Variants in ANK2 observed in about 807,000 individuals in gnomAD.
ANK2 encodes ankyrin-2.
Under a neutral mutation model 360.5 loss-of-function variants are expected in ANK2, and 83 were observed. The observed-to-expected ratio is 0.23, with a 90% CI of 0.19 to 0.28. ANK2 has a LOEUF of 0.28. Among genes scored for constraint, ANK2 ranks in the 10% least tolerant of loss-of-function variants. ANK2 has a pLI of 1.00. For missense variants in ANK2, 4,201 were observed against 4,795.7 expected (o/e 0.88, Z 3.66); for synonymous variants, 1,740 against 1,759.5 (o/e 0.99, Z 0.28).
At chr4:113,209,265 C>G (rs948723810) in intron 4 of ANK2, among the ~76,000 whole-genome samples, 5 of 151,870 alleles carry the variant, frequency 3.3e-5, no homozygotes, top group Non-Finnish European at 7.4e-5. Context: ...AGTAGTAGCC[C>G]TTGGAGAAAA....
At chr4:113,298,633 T>C (rs1242965345) in intron 22 of ANK2, among the ~76,000 whole-genome samples, 2 of 152,258 alleles carry the variant, frequency 1.3e-5, no homozygotes, top group Non-Finnish European at 2.9e-5. Context: ...CCATCTATTA[T>C]ATACCATTTC....
chr4:112,781,157 G>A, the ANK2 span, among the ~76,000 whole-genome samples: 10 of 152,150 alleles, frequency 6.6e-5, no homozygotes, highest in Middle Eastern at 6.8e-3. Context: ...ACATCACCAC[G>A]CCTGGATAAT....
At chr4:113,116,662 A>C (rs1444808376) in intron 1 of ANK2, among the ~76,000 whole-genome samples, 1 of 152,248 alleles carries the variant, frequency 6.6e-6, no homozygotes, top group African/African-American at 2.4e-5. Context: ...GTGCTACAGC[A>C]GAGCAGCCGT....
chr4:113,107,240 G>A (rs186745332), intron 1 of ANK2, among the ~76,000 whole-genome samples: 29 of 151,962 alleles, frequency 1.9e-4, no homozygotes, highest in African/African-American at 5.3e-4. Flanking sequence ...TTCTTGAGAC[G>A]AAGTTTTGCT....
chr4:113,217,776 G>A (rs2099103053), intron 4 of ANK2, among the ~76,000 whole-genome samples: 2 of 152,158 alleles, frequency 1.3e-5, no homozygotes, highest in Non-Finnish European at 2.9e-5. Flanking sequence ...ATGGCCTGGG[G>A]GATGGGGACA....
At position 113,353,926 on chromosome 4, in the gene ANK2, G is replaced by C. The variant is rs777729937; in HGVS notation, c.5308G>C (p.Val1770Leu). The C allele has an allele frequency of 6.2e-7, 1 of 1,614,108 alleles. No homozygotes were observed. Among genetic ancestry groups the C allele is most frequent in the Non-Finnish European group, 8.5e-7 (1 of 1,179,974 alleles). ...ETPIGSIKDK[V>L]KALQKRVEDE... ...TCCCATTGGTTCCATAAAGGACAAA[G>C]TAAAGGCCCTTCAGAAGCGAGTGGA... The change falls in exon 38 of 46, where the codon GTA (valine) becomes CTA (leucine). Residue 1770 changes from valine (V) to leucine (L), a missense_variant. By Grantham distance (32) the Val-to-Leu change is conservative. Coordinates refer to ENST00000357077, the MANE Select transcript of ANK2 (RefSeq NM_001148.6).
the ANK2 span, among the ~76,000 whole-genome samples, chr4:112,812,867 C>T: frequency 6.6e-6 from 1 of 152,132 alleles, no homozygotes; most frequent in South Asian, 2.1e-4. Context: ...CTTATACATT[C>T]TCTGCCTCAG....
chr4:112,985,887 A>C (rs571730104), intron 2 of ANK2, among the ~76,000 whole-genome samples: 1 of 151,958 alleles, frequency 6.6e-6, no homozygotes, highest in Non-Finnish European at 1.5e-5. Context: ...TGCAGTGTAC[A>C]CTGCTCAGGT....
At chr4:112,756,671 C>A in the ANK2 span, among the ~76,000 whole-genome samples, 1 of 152,096 alleles carries the variant, frequency 6.6e-6, no homozygotes, top group East Asian at 1.9e-4. Context: ...TTTTTGAGCT[C>A]GGCTGGAAAA....
rs765412554 is a variant in ANK2 at position 113,049,683 on chromosome 4, C to T, written c.-46C>T. 1.7e-5 allele frequency: 27 copies of T among 1,570,534 alleles called. No homozygotes were observed. Among genetic ancestry groups the T allele is most frequent in the South Asian group, 2.2e-5 (2 of 89,638 alleles). ...CATACCCGCTAGTGGTCTGTACAGG[C>T]GGCACGGTTTGATGGCAGAGATATT... On this transcript the variant is annotated 5_prime_UTR_variant, in exon 1 of 46. Coordinates refer to ENST00000357077, the MANE Select transcript of ANK2 (RefSeq NM_001148.6).
chr4:113,063,650 T>C (rs556208288), intron 1 of ANK2, among the ~76,000 whole-genome samples: 1 of 152,246 alleles, frequency 6.6e-6, no homozygotes, highest in Non-Finnish European at 1.5e-5. Flanking sequence ...ATTTGAAAAA[T>C]ACTTGAGAAT....
intron 2 of ANK2, among the ~76,000 whole-genome samples, chr4:112,937,888 G>A (rs2093890754): frequency 1.3e-5 from 2 of 152,008 alleles, no homozygotes; most frequent in African/African-American, 4.8e-5. Context: ...AGTGGCCTTG[G>A]GCAAGTTATT....
intron 1 of ANK2, among the ~76,000 whole-genome samples, chr4:113,152,065 C>CAAAA (rs1232657248): frequency 9.6e-4 from 60 of 62,194 alleles, no homozygotes; most frequent in East Asian, 2.3e-3. Flanking sequence ...GTCTCTGTCT[C>CAAAA]AAAAAAAAAA....
chr4:113,250,592 C>T (rs780268861), intron 10 of ANK2, among the ~76,000 whole-genome samples: 1 of 152,084 alleles, frequency 6.6e-6, no homozygotes, highest in Non-Finnish European at 1.5e-5. Context: ...TTATCCAACC[C>T]TACATTGGGT....
intron 1 of ANK2, chr4:112,826,773 C>T: frequency 5.2e-6 from 5 of 967,122 alleles, no homozygotes; most frequent in Non-Finnish European, 6.4e-6. Context: ...AATTACTCTG[C>T]CTGGAAATAA....
chr4:113,013,218 A>G (rs1246094158), intron 2 of ANK2, among the ~76,000 whole-genome samples: 1 of 152,180 alleles, frequency 6.6e-6, no homozygotes, highest in African/African-American at 2.4e-5. Flanking sequence ...TGTGTAATCT[A>G]CAGAACCAGG....
chr4:113,041,474 G>A (rs1579776868), intron 2 of ANK2, among the ~76,000 whole-genome samples: 1 of 152,088 alleles, frequency 6.6e-6, no homozygotes, highest in African/African-American at 2.4e-5. Flanking sequence ...TCTTGCCTAG[G>A]CATAAGACTG....
chr4:113,318,307 G>A (rs1160949142), intron 25 of ANK2, among the ~76,000 whole-genome samples: 2 of 152,132 alleles, frequency 1.3e-5, no homozygotes, highest in East Asian at 1.9e-4. Context: ...ACAATTACAC[G>A]AATGTAATCT....
chr4:112,823,517 A>G (rs138064177), intron 1 of ANK2, among the ~76,000 whole-genome samples: 39 of 152,190 alleles, frequency 2.6e-4, no homozygotes, highest in African/African-American at 9.4e-4. Flanking sequence ...GAACAGACAG[A>G]AACTCCAAAT....
Sources: gnomAD v4.1 joint callset for allele counts (sites outside exome capture counted in the v4.1 genomes callset) on GRCh38, gnomAD v4.1.1 for gene constraint, MANE v1.5 for transcripts, NCBI Gene and HGNC (gene_info 2026-07-23, HGNC 2026-07-21) for gene names.